NEK11: variants seen among roughly 807,000 people sequenced by gnomAD.
NEK11 encodes serine/threonine-protein kinase Nek11.
In NEK11, 72 loss-of-function variants were observed where a neutral mutation model predicts 80.7. The ratio of observed to expected loss-of-function variants is 0.89; its 90% CI spans 0.74 to 1.08. The LOEUF (loss-of-function observed/expected upper bound fraction) is 1.08, where lower values mean the gene tolerates loss of function less well. Ranked by LOEUF, NEK11 falls within the 50% of genes least tolerant of loss-of-function variation. The pLI is 0.00. For synonymous variants in NEK11, 251 were observed against 260.7 expected, an observed-to-expected ratio of 0.96 and a Z score of 0.36; for missense variants, 764 against 763.6, an observed-to-expected ratio of 1.00 and a Z score of -0.01.
chr3:131,086,577 T>C (rs539213008), intron 4 of NEK11, among the ~76,000 whole-genome samples: 2 of 152,338 alleles, frequency 1.3e-5, no homozygotes, highest in African/African-American at 4.8e-5. Context: ...CCTGTGTCTT[T>C]TTAACATGCC....
rs1465947556 is a variant in NEK11, at chr3:131,029,814, G to C, written c.106G>C (p.Gly36Arg). The C allele has an allele frequency of 6.2e-7, 1 of 1,614,202 alleles. No homozygotes were observed. The highest frequency in any genetic ancestry group is 2.2e-5 in the East Asian group (1 of 44,892). ...ARRYVLQQKL[G>R]SGSFGTVYLV... is the part of the protein sequence containing the mutation. The stretch of plus-strand genomic sequence containing the variant: ...AAGATACGTGCTTCAACAAAAACTT[G>C]GCAGTGGAAGTTTTGGAACTGTCTA... The change falls in exon 3 of 18, where the codon GGC (glycine) becomes CGC (arginine). Residue 36 changes from glycine to arginine, a missense_variant. Transcript: ENST00000383366.
chr3:131,307,199 G>A (rs1360830595), intron 17 of NEK11, among the ~76,000 whole-genome samples: 3 of 152,148 alleles, frequency 2.0e-5, no homozygotes, highest in East Asian at 1.9e-4. Flanking sequence ...AGCCTCCCAA[G>A]TTATATCAAC....
intron 3 of NEK11, among the ~76,000 whole-genome samples, chr3:131,030,717 C>A (rs1244585711): frequency 6.6e-6 from 1 of 152,182 alleles, no homozygotes; most frequent in African/African-American, 2.4e-5. Context: ...ATGTTAATGA[C>A]CCCCTTGTCA....
intron 3 of NEK11, among the ~76,000 whole-genome samples, chr3:131,073,775 A>G (rs1440138466): frequency 1.3e-5 from 2 of 152,166 alleles, no homozygotes; most frequent in Non-Finnish European, 2.9e-5. Context: ...GGTCCTGCCT[A>G]TATCCCCTGG....
rs543652723 is a variant in NEK11 at position 131,227,669 on chromosome 3, T to C, written c.1400-859T>C. On this transcript the variant is annotated intron_variant, in intron 14 of 17. Coordinates refer to ENST00000383366, the MANE Select transcript of NEK11 (RefSeq NM_024800.5). Reference sequence around the variant, plus strand: ...TATGGTGCAAAGTCTAAAATGCCCATTGTTTTGCTGCAGCTGAGTATTCTA... The same window carrying C: ...TATGGTGCAAAGTCTAAAATGCCCACTGTTTTGCTGCAGCTGAGTATTCTA... 2.6e-5 allele frequency among the ~76,000 whole-genome samples: 4 copies of C among 152,238 alleles called. No individual in the cohort carries two copies. In the East Asian group the frequency reaches 5.8e-4, roughly 22 times the overall value.
intron 15 of NEK11, among the ~76,000 whole-genome samples, chr3:131,230,354 T>C (rs1031114311): frequency 2.0e-5 from 3 of 152,156 alleles, no homozygotes; most frequent in Non-Finnish European, 4.4e-5. Flanking sequence ...GTGACCTTGT[T>C]CAAATTACTG....
intron 17 of NEK11, among the ~76,000 whole-genome samples, chr3:131,284,907 C>G (rs2096452221): frequency 1.3e-5 from 2 of 152,174 alleles, no homozygotes; most frequent in African/African-American, 4.8e-5. Flanking sequence ...GGCTTCCTGG[C>G]TCCAGATGGC....
intron 14 of NEK11, among the ~76,000 whole-genome samples, chr3:131,189,176 C>T (rs77489591): frequency 0.017 from 2,538 of 152,228 alleles, 64 homozygotes; most frequent in African/African-American, 0.058. Flanking sequence ...AAGGAACCAA[C>T]CCTGCCAGTG....
intron 4 of NEK11, among the ~76,000 whole-genome samples, chr3:131,089,110 C>T (rs1236086439): frequency 6.6e-6 from 1 of 152,210 alleles, no homozygotes; most frequent in Non-Finnish European, 1.5e-5. Context: ...AATGTTTCCA[C>T]TGACAGGCTA....
At chr3:131,047,326 T>G (rs1441632415) in intron 3 of NEK11, among the ~76,000 whole-genome samples, 12 of 152,234 alleles carry the variant, frequency 7.9e-5, no homozygotes. Context: ...TGAGTTAGTG[T>G]GATCTTTTGG....
intron 3 of NEK11, among the ~76,000 whole-genome samples, chr3:131,042,021 C>T (rs1335453037): frequency 2.0e-5 from 3 of 152,132 alleles, no homozygotes; most frequent in Non-Finnish European, 2.9e-5. Context: ...CCTCCCCTAG[C>T]GAAGGGAAGC....
intron 15 of NEK11, among the ~76,000 whole-genome samples, chr3:131,233,777 G>A (rs757768897): frequency 1.3e-5 from 2 of 152,126 alleles, no homozygotes; most frequent in East Asian, 1.9e-4. Flanking sequence ...TAGTCCCTAC[G>A]TGCAAATCAG....
At position 131,170,870 on chromosome 3, in the gene NEK11, C is replaced by T; in HGVS notation, c.1382C>T (p.Ser461Phe). The part of the protein sequence containing the change: ...ELESIVEDAT[S>F]DLGYHEIPED... Reference sequence around the variant, plus strand: ...GAATCAATTGTAGAGGATGCCACATCTGACCTTGGATACCATGGTATGTGT... The same window carrying T: ...GAATCAATTGTAGAGGATGCCACATTTGACCTTGGATACCATGGTATGTGT... The change falls in exon 14 of 18, where the codon TCT (serine) becomes TTT (phenylalanine). Residue 461 changes from serine to phenylalanine, a missense_variant. Physicochemically the swap from Ser to Phe is radical, Grantham distance 155 (BLOSUM62 -2). Transcript: ENST00000383366. 6.2e-7 allele frequency: 1 copy of T among 1,611,798 alleles called. No individual in the cohort carries two copies. Among genetic ancestry groups the T allele is most frequent in the Non-Finnish European group, 8.5e-7 (1 of 1,177,890 alleles).
chr3:131,154,639 G>T (rs2090326830), intron 9 of NEK11, among the ~76,000 whole-genome samples: 1 of 151,982 alleles, frequency 6.6e-6, no homozygotes, highest in South Asian at 2.1e-4. Flanking sequence ...TGAGTTTTTT[G>T]GTGCCCTCTT....
intron 12 of NEK11, among the ~76,000 whole-genome samples, chr3:131,166,263 G>A (rs1432543670): frequency 6.6e-6 from 1 of 152,134 alleles, no homozygotes; most frequent in Non-Finnish European, 1.5e-5. Flanking sequence ...TTTTATTCAC[G>A]GAGATCCCTG....
chr3:131,221,694 G>T (rs1268542390), intron 14 of NEK11, among the ~76,000 whole-genome samples: 1 of 152,122 alleles, frequency 6.6e-6, no homozygotes, highest in African/African-American at 2.4e-5. Context: ...TGTATATCTG[G>T]ATCGTTTTAG....
intron 14 of NEK11, among the ~76,000 whole-genome samples, chr3:131,193,955 T>A (rs2093901990): frequency 1.3e-5 from 2 of 152,196 alleles, no homozygotes; most frequent in Non-Finnish European, 2.9e-5. Flanking sequence ...ACTTGTCAAC[T>A]TTTCAAAAAA....
intron 17 of NEK11, among the ~76,000 whole-genome samples, chr3:131,322,304 G>A (rs2096905634): frequency 1.3e-5 from 2 of 152,068 alleles, no homozygotes; most frequent in African/African-American, 4.8e-5. Flanking sequence ...GGGAGGAAGA[G>A]AAGGGGAAAG....
intron 16 of NEK11, 99 bp downstream of exon 16, chr3:131,243,595 A>G: frequency 4.1e-6 from 4 of 985,052 alleles, no homozygotes; most frequent in Non-Finnish European, 6.2e-6. Context: ...CTGATATCTT[A>G]GTATAACAGA....
Sources: gnomAD v4.1 joint callset for allele counts (sites outside exome capture counted in the v4.1 genomes callset) on GRCh38, gnomAD v4.1.1 for gene constraint, MANE v1.5 for transcripts, NCBI Gene and HGNC (gene_info 2026-07-23, HGNC 2026-07-21) for gene names.